Variants in GNA14 observed in about 807,000 individuals in gnomAD.
GNA14 encodes the protein G protein subunit alpha 14.
A neutral mutation model predicts 42.0 loss-of-function variants in GNA14; 50 were observed. The observed-to-expected ratio is 1.19, with a 90% CI of 0.95 to 1.51. GNA14 has a LOEUF of 1.51. Ranked by LOEUF, GNA14 falls within the 40% of genes most tolerant of loss-of-function variation. GNA14 has a pLI of 0.00. For missense variants in GNA14, 473 were observed against 446.2 expected (o/e 1.06, Z -0.54); for synonymous variants, 173 against 163.1 (o/e 1.06, Z -0.46).
At chr9:77,590,764 A>C (rs969464012) in intron 1 of GNA14, among the ~76,000 whole-genome samples, 4 of 152,206 alleles carry the variant, frequency 2.6e-5, no homozygotes, top group Non-Finnish European at 4.4e-5. Flanking sequence ...ATTACTTATT[A>C]ATATAAGCAT....
intron 2 of GNA14, among the ~76,000 whole-genome samples, chr9:77,508,534 A>G (rs1310157538): frequency 6.6e-6 from 1 of 152,218 alleles, no homozygotes; most frequent in African/African-American, 2.4e-5. Flanking sequence ...ATTTCTGAAC[A>G]GCCACATGGG....
At chr9:77,501,477 A>G (rs1836969795) in intron 2 of GNA14, among the ~76,000 whole-genome samples, 1 of 152,128 alleles carries the variant, frequency 6.6e-6, no homozygotes, top group Non-Finnish European at 1.5e-5. Flanking sequence ...GGATCATTTC[A>G]TGGATTTGCC....
At chr9:77,495,558 T>C (rs1836856652) in intron 2 of GNA14, among the ~76,000 whole-genome samples, 1 of 152,238 alleles carries the variant, frequency 6.6e-6, no homozygotes, top group African/African-American at 2.4e-5. Context: ...TATGGACTTT[T>C]GTGACAGCAA....
At chr9:77,634,431 AAAAG>A (rs1824147499) in intron 1 of GNA14, among the ~76,000 whole-genome samples, 1 of 150,948 alleles carries the variant, frequency 6.6e-6, no homozygotes, top group Admixed American at 6.6e-5. Context: ...AAAAAAAAAA[AAAAG>A]GAAGGAAGGA....
chr9:77,510,232 T>C, intron 2 of GNA14, among the ~76,000 whole-genome samples: 1 of 152,244 alleles, frequency 6.6e-6, no homozygotes, highest in South Asian at 2.1e-4. Flanking sequence ...TCTGGTCTTA[T>C]GTGACTGGCT....
intron 1 of GNA14, among the ~76,000 whole-genome samples, chr9:77,590,002 G>A (rs1489871749): frequency 1.3e-5 from 2 of 151,870 alleles, no homozygotes; most frequent in African/African-American, 2.4e-5. Flanking sequence ...CTGCAACCTC[G>A]GCCTCCCAGG....
Position 77,538,947 on chromosome 9 carries a change from C to T in GNA14, c.125-9694G>A, listed in dbSNP as rs563505767. 1.8e-4 allele frequency among the ~76,000 whole-genome samples: 28 copies of T among 152,212 alleles called. No homozygotes were observed. In the South Asian group the frequency reaches 5.6e-3, roughly 30 times the overall value. ...CTCAGGAAAAAATAAGCTTATATCACCCACAAAGAGGTACAATTTGACTTC... is the reference window on the plus strand; with the variant it reads ...CTCAGGAAAAAATAAGCTTATATCATCCACAAAGAGGTACAATTTGACTTC... On this transcript the variant is annotated intron_variant, in intron 1 of 6. Coordinates refer to ENST00000341700, the MANE Select transcript of GNA14 (RefSeq NM_004297.4).
chr9:77,599,909 A>G (rs1823528715), intron 1 of GNA14, among the ~76,000 whole-genome samples: 2 of 152,226 alleles, frequency 1.3e-5, no homozygotes, highest in Admixed American at 6.5e-5. Flanking sequence ...GTAACTATAG[A>G]GTATGCACTG....
chr9:77,448,504 G>C (rs185220799), intron 2 of GNA14, among the ~76,000 whole-genome samples: 28 of 152,306 alleles, frequency 1.8e-4, no homozygotes, highest in African/African-American at 6.5e-4. Flanking sequence ...AAGCTATTCT[G>C]TTTGGCAGTT....
chr9:77,424,598 GT>G (rs1218767193), intron 6 of GNA14, among the ~76,000 whole-genome samples: 3 of 152,048 alleles, frequency 2.0e-5, no homozygotes, highest in Non-Finnish European at 4.4e-5. Flanking sequence ...CCAGGGAACG[GT>G]TTACCTGGAG....
intron 2 of GNA14, among the ~76,000 whole-genome samples, chr9:77,486,417 C>G (rs1231068521): frequency 6.6e-6 from 1 of 152,228 alleles, no homozygotes; most frequent in Non-Finnish European, 1.5e-5. Context: ...AAAACTTTCT[C>G]CATATCAGCA....
chr9:77,439,169 T>C (rs1835686521), intron 2 of GNA14, among the ~76,000 whole-genome samples: 1 of 152,100 alleles, frequency 6.6e-6, no homozygotes, highest in African/African-American at 2.4e-5. Flanking sequence ...GGATGGCTGG[T>C]GGAGAGAGTG....
intron 1 of GNA14, among the ~76,000 whole-genome samples, chr9:77,549,199 G>T (rs943154836): frequency 6.6e-6 from 1 of 152,174 alleles, no homozygotes; most frequent in Non-Finnish European, 1.5e-5. Context: ...CTCCCAAAGT[G>T]CCGGGATTAC....
intron 2 of GNA14, among the ~76,000 whole-genome samples, chr9:77,458,908 G>GGGT (rs1836056577): frequency 1.4e-5 from 2 of 147,488 alleles, no homozygotes; most frequent in East Asian, 1.9e-4. Flanking sequence ...AGCTGGAGGG[G>GGGT]GGGGGGTTGT....
intron 2 of GNA14, among the ~76,000 whole-genome samples, chr9:77,493,865 T>C (rs1836827301): frequency 6.6e-6 from 1 of 152,216 alleles, no homozygotes; most frequent in African/African-American, 2.4e-5. Flanking sequence ...ATCTTGAATA[T>C]ATCTTCTAGA....
intron 2 of GNA14, among the ~76,000 whole-genome samples, chr9:77,448,726 A>G (rs1349933885): frequency 6.6e-6 from 1 of 152,228 alleles, no homozygotes; most frequent in African/African-American, 2.4e-5. Context: ...ACTCTTTGCC[A>G]GGCATTATTC....
chr9:77,647,559 G>A (rs1407692620), intron 1 of GNA14, 111 bp downstream of exon 1: 1 of 1,238,614 alleles, frequency 8.1e-7, no homozygotes, highest in African/African-American at 1.5e-5. Context: ...GAAGGACGAA[G>A]CCGCCCTGCA....
intron 1 of GNA14, among the ~76,000 whole-genome samples, chr9:77,623,791 C>T (rs757320615): frequency 3.3e-5 from 5 of 152,208 alleles, no homozygotes; most frequent in South Asian, 2.1e-4. Flanking sequence ...GAGATTCCCT[C>T]GGGTGCCTAC....
Position 77,438,300 on chromosome 9 carries a change from T to C in GNA14, c.310-3778A>G, listed in dbSNP as rs149653913. Among the ~76,000 whole-genome samples, 310 of 152,086 alleles carry C rather than the reference T, an allele frequency of 2.0e-3. 1 individual carries two copies. The highest frequency in any genetic ancestry group is 4.0e-3 in the Non-Finnish European group (269 of 67,982). ...TTTTTTTTTAAAGACATAGTTTCAC[T>C]CTGTCTCCCACGCTGGAGCACAACG... On this transcript the variant is annotated intron_variant, in intron 2 of 6. Coordinates refer to ENST00000341700, the MANE Select transcript of GNA14 (RefSeq NM_004297.4).
Sources: gnomAD v4.1 joint callset for allele counts (sites outside exome capture counted in the v4.1 genomes callset) on GRCh38, gnomAD v4.1.1 for gene constraint, MANE v1.5 for transcripts, NCBI Gene and HGNC (gene_info 2026-07-23, HGNC 2026-07-21) for gene names.